The following CHRND variants were observed in gnomAD, a reference collection of about 807,000 sequenced individuals.
CHRND encodes acetylcholine receptor subunit delta.
CHRND carries 40 observed loss-of-function variants against 57.8 expected under a neutral mutation model. The observed-to-expected ratio is 0.69, with a 90% CI of 0.54 to 0.90. The LOEUF is 0.90. Among genes scored for constraint, CHRND ranks in the 40% least tolerant of loss-of-function variants. The pLI is 0.00. For synonymous variants in CHRND, 237 were observed against 270.6 expected (o/e 0.88, Z 1.22); for missense variants, 634 against 673.9 (o/e 0.94, Z 0.66).
intron 9 of CHRND, among the ~76,000 whole-genome samples, chr2:232,531,932 G>A (rs922935914): frequency 3.6e-5 from 4 of 110,828 alleles, no homozygotes; most frequent in Non-Finnish European, 5.1e-5. Context: ...GGGCAACAGA[G>A]TGAGACCTTG....
chr2:232,529,944 G>C lies in CHRND; in HGVS notation c.625G>C (p.Gly209Arg). ...IIDPEGFTENGEWEIVHRPAR... is the reference protein window; with the variant it reads ...IIDPEGFTENREWEIVHRPAR... ...TGTCCATGTGCCGCCCTCAGAGAAC[G>C]GGGAGTGGGAGATAGTCCACCGGCC... The change falls in exon 7 of 12, where the codon GGG (glycine) becomes CGG (arginine). Residue 209 changes from glycine to arginine, a missense_variant. By Grantham distance (125) the Gly-to-Arg change is moderately radical. Coordinates refer to ENST00000258385, the MANE Select transcript of CHRND (RefSeq NM_000751.3). 6.2e-7 allele frequency: 1 copy of C among 1,613,892 alleles called. No individual in the cohort carries two copies. Among genetic ancestry groups the C allele is most frequent in the Non-Finnish European group, 8.5e-7 (1 of 1,179,920 alleles).
chr2:232,528,091 A>G (rs571499349), intron 3 of CHRND, among the ~76,000 whole-genome samples, 171 bp from the exon 4 acceptor site: 3 of 152,300 alleles, frequency 2.0e-5, no homozygotes, highest in Admixed American at 6.5e-5. Flanking sequence ...TGCAGTGAGC[A>G]TCCTGCACAG....
chr2:232,528,802 C>A (rs539210904), intron 5 of CHRND, 60 bp from the exon 6 acceptor site: 1 of 1,573,986 alleles, frequency 6.4e-7, no homozygotes, highest in Non-Finnish European at 8.7e-7. Context: ...ACCAGCCCTT[C>A]CCCACTCTGT....
rs1399842191 is a variant in CHRND, at chr2:232,531,585, A to G, written c.976A>G (p.Ile326Val). The G allele has an allele frequency of 6.2e-7, 1 of 1,613,946 alleles. No individual in the cohort carries two copies. The highest frequency in any genetic ancestry group is 1.1e-5 in the South Asian group (1 of 91,062). Residue 326 changes from isoleucine (I) to valine (V), a missense_variant, in exon 9 of 12, where the codon ATC (isoleucine) becomes GTC (valine). Transcript: ENST00000258385. ...GMVLVTMVVV[I>V]CVIVLNIHFR... is the part of the protein sequence containing the mutation. ...GGTGCTGGTCACCATGGTTGTGGTG[A>G]TCTGTGTCATCGTGCTCAACATCCA...
intron 3 of CHRND, 136 bp from the exon 4 acceptor site, chr2:232,528,126 C>T (rs918589029): frequency 1.3e-6 from 1 of 774,504 alleles, no homozygotes; most frequent in African/African-American, 1.7e-5. Context: ...CCTGAATCCG[C>T]ACTCTGTACC....
chr2:232,530,250 C>T, intron 7 of CHRND, 111 bp downstream of exon 7: 2 of 1,105,250 alleles, frequency 1.8e-6, no homozygotes, highest in South Asian at 2.6e-5. Flanking sequence ...GGTCTCCATT[C>T]CTGGAGCTCC....
intron 6 of CHRND, among the ~76,000 whole-genome samples, chr2:232,529,432 C>A (rs2106209452): frequency 6.6e-6 from 1 of 152,338 alleles, no homozygotes; most frequent in East Asian, 1.9e-4. Flanking sequence ...TACCACTTGC[C>A]CTGTCCATCA....
At position 232,527,418 on chromosome 2, in the gene CHRND, C is replaced by T. The variant is rs1691518303; in HGVS notation, c.216C>T (p.Thr72=). ...AATTACAGAAAGAAGTTGAGGAGAC[C>T]CTCACTACCAATGTGTGGATAGAGC... ...NLISLKEVEE[T]LTTNVWIEHG... Residue 72 remains threonine, a synonymous_variant, in exon 3 of 12, where the codon ACC becomes ACT. Transcript: ENST00000258385. 6.2e-7 allele frequency: 1 copy of T among 1,613,260 alleles called. No homozygotes were observed. The highest frequency in any genetic ancestry group is 8.5e-7 in the Non-Finnish European group (1 of 1,179,532).
chr2:232,536,337 A>G lies in CHRND; in HGVS notation c.*1025A>G, dbSNP rs115132742. ...ACCTCACTTCCCAGATTTGGTTAGGAAAGACACTATGGCCTCTTTCTTGCT... is the reference window on the plus strand; with the variant it reads ...ACCTCACTTCCCAGATTTGGTTAGGGAAGACACTATGGCCTCTTTCTTGCT... On this transcript the variant is annotated 3_prime_UTR_variant, in exon 12 of 12. Transcript: ENST00000258385. The G allele has an allele frequency of 0.029, 13,084 of 454,136 alleles. 263 individuals are homozygous for G. The highest frequency in any genetic ancestry group is 0.052 in the Middle Eastern group (75 of 1,444). The allele number at this position is 454,136 out of a possible 1,614,324, so 28.1% of individuals were successfully genotyped here. A position where few individuals can be genotyped will look rare whatever the true frequency, so the allele number is the denominator to read the frequency against.
At position 232,530,129 on chromosome 2, in the gene CHRND, A is replaced by G; in HGVS notation, c.810A>G (p.Leu270=). The change falls in exon 7 of 12, where the codon CTA becomes CTG. Residue 270 remains leucine, a synonymous_variant. Transcript: ENST00000258385. ...ISFMVNLVFY[L]PADSGEKTSV... is the part of the protein sequence containing the mutation. ...TCATGGTCAACCTGGTCTTCTACCT[A>G]CCGGCTGACAGTGAGCCTCCAGGCC... 6.2e-7 allele frequency: 1 copy of G among 1,613,976 alleles called. No individual in the cohort carries two copies. Among genetic ancestry groups the G allele is most frequent in the Non-Finnish European group, 8.5e-7 (1 of 1,179,978 alleles).
chr2:232,531,672 G>A lies in CHRND; in HGVS notation c.1047+16G>A, dbSNP rs1287834322. The A allele has an allele frequency of 3.1e-5, 49 of 1,598,090 alleles. No individual in the cohort carries two copies. The highest frequency in any genetic ancestry group is 3.2e-5 in the Non-Finnish European group (37 of 1,168,724). The stretch of plus-strand genomic sequence containing the variant: ...GGTCAAGAAGGTGAGTACTTGGCCC[G>A]GCGCAAAAGCTCACCACTGTAATCC... On this transcript the variant is annotated intron_variant, in intron 9 of 11. Coordinates refer to ENST00000258385, the MANE Select transcript of CHRND (RefSeq NM_000751.3).
At position 232,534,218 on chromosome 2, in the gene CHRND, C is replaced by T; in HGVS notation, c.1253-6C>T. The stretch of plus-strand genomic sequence containing the variant: ...CCTCACACCCACTCTGGCCCCTCGT[C>T]TGTAGGCCGGCCCCCAGCAAGCTCT... On this transcript the variant is annotated splice_region_variant and splice_polypyrimidine_tract_variant and intron_variant, in intron 10 of 11. Coordinates refer to ENST00000258385, the MANE Select transcript of CHRND (RefSeq NM_000751.3). 1 of 1,614,192 alleles carries T rather than the reference C, an allele frequency of 6.2e-7. No homozygotes were observed. Among genetic ancestry groups the T allele is most frequent in the Non-Finnish European group, 8.5e-7 (1 of 1,180,038 alleles).
In CHRND at chr2:232,528,931, C is replaced by A. The variant is rs1292728249; in HGVS notation, c.579C>A (p.Tyr193Ter). ...LKQDAKENRTYPVEWIIIDPE... is the reference protein window; with the variant it reads ...LKQDAKENRT ...AGGATGCCAAGGAGAACCGCACCTA[C>A]CCCGTGGAGTGGATCATCATTGATC... Residue 193 changes from tyrosine to a stop codon, truncating the protein, a stop_gained, in exon 6 of 12, where the codon TAC (tyrosine) becomes TAA (stop). Transcript: ENST00000258385. LOFTEE classifies it high-confidence loss of function. 6.2e-7 allele frequency: 1 copy of A among 1,614,002 alleles called. No homozygotes were observed. Among genetic ancestry groups the A allele is most frequent in the African/African-American group, 1.3e-5 (1 of 74,890 alleles).
In CHRND at chr2:232,531,644, G is replaced by A. The variant is rs548168819; in HGVS notation, c.1035G>A (p.Glu345=). The A allele has an allele frequency of 2.6e-5, 42 of 1,613,198 alleles. No homozygotes were observed. In the South Asian group the frequency reaches 4.1e-4, roughly 16 times the overall value. Residue 345 remains glutamate, a synonymous_variant, in exon 9 of 12, where the codon GAG becomes GAA. Coordinates refer to ENST00000258385, the MANE Select transcript of CHRND (RefSeq NM_000751.3). ...CACCCAGCACCCATGTGCTGTCTGA[G>A]GGGGTCAAGAAGGTGAGTACTTGGC... is the stretch of plus-strand genomic sequence containing the variant. ...FRTPSTHVLS[E]GVKKLFLETL... is the part of the protein sequence containing the mutation.
chr2:232,527,310 A>AAAAAAGAG, intron 2 of CHRND, 91 bp from the exon 3 acceptor site: 3 of 912,998 alleles, frequency 3.3e-6, no homozygotes, highest in Non-Finnish European at 5.3e-6. Context: ...TGGAAAAAAA[A>AAAAAAGAG]AGAGAGAGAG....
chr2:232,532,238 C>A (rs561689721), intron 9 of CHRND, among the ~76,000 whole-genome samples: 2 of 151,968 alleles, frequency 1.3e-5, no homozygotes, highest in South Asian at 4.2e-4. Flanking sequence ...GTGGCTGAGG[C>A]GGGTGGATCA....
At chr2:232,534,837 C>T (rs1691827863) in intron 11 of CHRND, among the ~76,000 whole-genome samples, 1 of 152,214 alleles carries the variant, frequency 6.6e-6, no homozygotes, top group African/African-American at 2.4e-5. Context: ...CCTTCCTCAG[C>T]CCCTAGGAGA....
In CHRND at chr2:232,535,622, G is replaced by T; in HGVS notation, c.*310G>T. ...CCTCAGGGGGAGAGCTCTGATAGGG[G>T]TGAGACAGATAGGGCCCCTTCTCTG... On this transcript the variant is annotated 3_prime_UTR_variant, in exon 12 of 12. Coordinates refer to ENST00000258385, the MANE Select transcript of CHRND (RefSeq NM_000751.3). 1.8e-6 allele frequency: 1 copy of T among 565,764 alleles called. No homozygotes were observed. Among genetic ancestry groups the T allele is most frequent in the South Asian group, 1.5e-5 (1 of 65,030 alleles). The allele number at this position is 565,764 out of a possible 1,614,324, so 35.0% of individuals were successfully genotyped here. A position where few individuals can be genotyped will look rare whatever the true frequency, so the allele number is the denominator to read the frequency against.
chr2:232,528,491 T>C lies in CHRND; in HGVS notation c.354-10T>C, dbSNP rs1379878821. On this transcript the variant is annotated splice_polypyrimidine_tract_variant and intron_variant, in intron 4 of 11. Coordinates refer to ENST00000258385, the MANE Select transcript of CHRND (RefSeq NM_000751.3). ...CAGAGCTCACTATGGTTCTTGTCCC[T>C]GTCCCCCAGCAATGACGGCTCCTTC... 3 of 1,613,984 alleles carry C rather than the reference T, an allele frequency of 1.9e-6. No individual in the cohort carries two copies. The highest frequency in any genetic ancestry group is 2.5e-6 in the Non-Finnish European group (3 of 1,180,036).
Sources: gnomAD v4.1 joint callset for allele counts (sites outside exome capture counted in the v4.1 genomes callset) on GRCh38, gnomAD v4.1.1 for gene constraint, MANE v1.5 for transcripts, NCBI Gene and HGNC (gene_info 2026-07-23, HGNC 2026-07-21) for gene names.